Variants in TRIM65 observed in about 807,000 individuals in gnomAD.
TRIM65 encodes E3 ubiquitin-protein ligase TRIM65.
TRIM65 carries 46 observed loss-of-function variants against 36.1 expected under a neutral mutation model. That is an observed-to-expected ratio of 1.27 (90% CI 1.01 to 1.63). The LOEUF is 1.63. Among genes scored for constraint, TRIM65 ranks in the 40% most tolerant of loss-of-function variants. TRIM65 has a pLI of 0.00. For synonymous variants in TRIM65, 346 were observed against 313.6 expected, an observed-to-expected ratio of 1.10 and a Z score of -1.09; for missense variants, 708 against 696.6, an observed-to-expected ratio of 1.02 and a Z score of -0.18.
At position 75,892,213 on chromosome 17, in the gene TRIM65, TG is replaced by T. The variant is rs757307664; in HGVS notation, c.745-29del. On this transcript the variant is annotated intron_variant, in intron 3 of 5. Coordinates refer to ENST00000269383, the MANE Select transcript of TRIM65 (RefSeq NM_173547.4). Reference sequence around the variant, plus strand: ...GAGCCCCAGGGAGAACAAGTAAGCCTGGGCCTGAGGGGCAGGGAAGCAAGTC... The same window carrying T: ...GAGCCCCAGGGAGAACAAGTAAGCCTGGCCTGAGGGGCAGGGAAGCAAGTC... The T allele has an allele frequency of 7.6e-6, 12 of 1,584,230 alleles. No individual in the cohort carries two copies. The South Asian group carries it at 1.0e-4, about 14-fold the overall frequency.
intron 1 of TRIM65, 133 bp from the exon 2 acceptor site, chr17:75,892,983 GC>G (rs2065295167): frequency 2.7e-6 from 2 of 746,984 alleles, no homozygotes; most frequent in Non-Finnish European, 2.2e-6. Context: ...AGCCTCCAGA[GC>G]ACCGGCCTCG....
intron 2 of TRIM65, 32 bp from the exon 3 acceptor site, chr17:75,892,532 C>T (rs1398667240): frequency 3.1e-6 from 5 of 1,589,366 alleles, no homozygotes; most frequent in African/African-American, 1.3e-5. Flanking sequence ...TTCAGGGTGG[C>T]CAGGGCCCTG....
At chr17:75,883,525 A>AG (rs1370527395) in intron 4 of TRIM65, among the ~76,000 whole-genome samples, 2 of 93,220 alleles carry the variant, frequency 2.1e-5, no homozygotes, top group Non-Finnish European at 3.9e-5. Context: ...TCTCTGAACA[A>AG]GTTTTTTTTT....
In TRIM65 at chr17:75,896,685, G is replaced by A. The variant is rs972748670; in HGVS notation, c.253C>T (p.Pro85Ser). ...GCGGCAGGGTCGGGGCCGGGGCCGG[G>A]ATCGGGGCCGGGATCCCGGGCGGGC... ...AGPARDPGPD[P>S]GPGPDPAARC... Residue 85 changes from proline to serine, a missense_variant, in exon 1 of 6, where the codon CCC (proline) becomes TCC (serine). Transcript: ENST00000269383. 40 of 1,297,490 alleles carry A rather than the reference G, an allele frequency of 3.1e-5. 1 individual carries two copies. The East Asian group carries it at 1.2e-3, about 38-fold the overall frequency. 80.4% of individuals were successfully genotyped at this position (1,297,490 alleles called of 1,614,324 possible).
downstream of TRIM65, among the ~76,000 whole-genome samples, chr17:75,879,898 C>T (rs752715372): frequency 2.7e-5 from 4 of 150,532 alleles, no homozygotes; most frequent in Non-Finnish European, 5.9e-5. Flanking sequence ...GGATTACAGG[C>T]GCCCGCCACC....
chr17:75,888,310 G>A (rs902644694), downstream of TRIM65, among the ~76,000 whole-genome samples: 3 of 150,656 alleles, frequency 2.0e-5, no homozygotes, highest in Non-Finnish European at 4.4e-5. Context: ...CTGAGATCAC[G>A]CTATTGTACT....
chr17:75,896,534 A>G lies in TRIM65; in HGVS notation c.404T>C (p.Leu135Pro). Reference sequence around the variant, plus strand: ...CGGCGGATGCGTCACCTCGCGCTTGAGGCGCTCGGCATCCAGCAGCGCCCG... The same window carrying G: ...CGGCGGATGCGTCACCTCGCGCTTGGGGCGCTCGGCATCCAGCAGCGCCCG... ...HERALLDAER[L>P]KREAQLRASL... The change falls in exon 1 of 6, where the codon CTC becomes CCC. Residue 135 changes from leucine to proline, a missense_variant. Leu to Pro is a moderately conservative substitution (Grantham distance 98, BLOSUM62 -3). Transcript: ENST00000269383. 7.4e-7 allele frequency: 1 copy of G among 1,346,452 alleles called. No homozygotes were observed. Among genetic ancestry groups the G allele is most frequent in the Non-Finnish European group, 9.5e-7 (1 of 1,051,218 alleles). The allele number at this position is 1,346,452 out of a possible 1,614,324, so 83.4% of individuals were successfully genotyped here. A position where few individuals can be genotyped will look rare whatever the true frequency, so the allele number is the denominator to read the frequency against.
At chr17:75,886,889 G>A (rs945101405), downstream of TRIM65, among the ~76,000 whole-genome samples, 10 of 152,122 alleles carry the variant, frequency 6.6e-5, no homozygotes, top group African/African-American at 1.9e-4. Context: ...CTGGAGAGAC[G>A]GTGGAGAGTT....
Position 75,896,582 on chromosome 17 carries a change from A to C in TRIM65, c.356T>G (p.Val119Gly), listed in dbSNP as rs868419323. 31 of 1,360,116 alleles carry C rather than the reference A, an allele frequency of 2.3e-5. No individual in the cohort carries two copies. In the African/African-American group the frequency reaches 3.2e-4, roughly 14 times the overall value. The allele number at this position is 1,360,116 out of a possible 1,614,324, so 84.3% of individuals were successfully genotyped here. A position where few individuals can be genotyped will look rare whatever the true frequency, so the allele number is the denominator to read the frequency against. Residue 119 changes from valine to glycine, a missense_variant, in exon 1 of 6, where the codon GTG (valine) becomes GGG (glycine). Coordinates refer to ENST00000269383, the MANE Select transcript of TRIM65 (RefSeq NM_173547.4). ...EGRCVCSVCT[V>G]RECRLHERAL... ...CCGCTCGTGGAGGCGACACTCGCGC[A>C]CGGTGCACACGCTGCACACACAGCG... is the stretch of plus-strand genomic sequence containing the variant.
chr17:75,880,553 A>G (rs2065163113), exon 5 of TRIM65: 2 of 150,236 alleles, frequency 1.3e-5, no homozygotes, highest in African/African-American at 5.0e-5. Flanking sequence ...AAAATACTCT[A>G]TTTCCAAATA....
At chr17:75,886,569 G>A (rs2065209272), downstream of TRIM65, among the ~76,000 whole-genome samples, 1 of 145,652 alleles carries the variant, frequency 6.9e-6, no homozygotes, top group Non-Finnish European at 1.5e-5. Context: ...TTTATAAATT[G>A]CCCAGTCTCA....
chr17:75,888,164 T>TATATATAAATAA (rs1555609125), downstream of TRIM65, among the ~76,000 whole-genome samples: 3 of 137,022 alleles, frequency 2.2e-5, no homozygotes, highest in African/African-American at 5.7e-5. Context: ...TCAAAAAATA[T>TATATATAAATAA]ATAAATAAAT....
At chr17:75,887,064 G>A (rs1300363837), downstream of TRIM65, among the ~76,000 whole-genome samples, 1 of 150,428 alleles carries the variant, frequency 6.6e-6, no homozygotes, top group African/African-American at 2.4e-5. Flanking sequence ...GGCTGAGGCA[G>A]GAGGAGGAAG....
chr17:75,891,702 C>G, intron 5 of TRIM65, 111 bp downstream of exon 5: 4 of 1,360,636 alleles, frequency 2.9e-6, no homozygotes, highest in Non-Finnish European at 4.1e-6. Flanking sequence ...AAGTGCCCCC[C>G]TCACTCACAC....
chr17:75,892,765 C>A lies in TRIM65; in HGVS notation c.500G>T (p.Ser167Ile). ...GQLLELRKQS[S>I]QIQNSACILA... Reference sequence around the variant, plus strand: ...GCACAGGCCTCGTACCTGGATCTGGCTGCTTTGCTTGCGCAGCTCTAGTAG... The same window carrying A: ...GCACAGGCCTCGTACCTGGATCTGGATGCTTTGCTTGCGCAGCTCTAGTAG... The change falls in exon 2 of 6, where the codon AGC becomes ATC. Residue 167 changes from serine to isoleucine, a missense_variant. Ser to Ile is a moderately radical substitution (Grantham distance 142, BLOSUM62 -2). Transcript: ENST00000269383. 1.2e-6 allele frequency: 2 copies of A among 1,603,934 alleles called. No individual in the cohort carries two copies. The highest frequency in any genetic ancestry group is 1.7e-6 in the Non-Finnish European group (2 of 1,179,858).
chr17:75,887,838 G>A (rs2065220261), downstream of TRIM65, among the ~76,000 whole-genome samples: 1 of 152,024 alleles, frequency 6.6e-6, no homozygotes, highest in Non-Finnish European at 1.5e-5. Context: ...TGACCAACAT[G>A]GTGAAACCCC....
rs559434665 is a variant in TRIM65 at position 75,893,972 on chromosome 17, C to T, written c.415-1122G>A. 1.2e-4 allele frequency among the ~76,000 whole-genome samples: 19 copies of T among 152,310 alleles called. No homozygotes were observed. The East Asian group carries it at 2.3e-3, about 19-fold the overall frequency. On this transcript the variant is annotated intron_variant, in intron 1 of 5. Transcript: ENST00000269383. ...GCAGTACATCTCGTCTCATCCTCCT[C>T]GGCGGCTTCAGCAGCTACAAGGAAT...
chr17:75,896,493 G>C, intron 1 of TRIM65, 31 bp downstream of exon 1: 2 of 1,304,586 alleles, frequency 1.5e-6, no homozygotes, highest in Non-Finnish European at 1.9e-6. Context: ...CGGCGGGTCC[G>C]GACCCCTCCC....
At chr17:75,886,009 A>C (rs766319952), downstream of TRIM65, among the ~76,000 whole-genome samples, 4 of 152,012 alleles carry the variant, frequency 2.6e-5, no homozygotes, top group Admixed American at 6.6e-5. Flanking sequence ...CGTGGGAGGG[A>C]CTTGGTGGGA....
Sources: allele counts gnomAD v4.1 joint callset (sites outside exome capture counted in the v4.1 genomes callset), GRCh38; gene constraint gnomAD v4.1.1; transcripts MANE v1.5; gene names NCBI Gene and HGNC (gene_info 2026-07-23, HGNC 2026-07-21).